ADGRL3: variants seen among roughly 807,000 people sequenced by gnomAD.
ADGRL3 encodes calcium-independent alpha-latrotoxin receptor 3.
ADGRL3 carries 62 observed loss-of-function variants against 153.5 expected under a neutral mutation model. The observed-to-expected ratio is 0.40, with a 90% CI of 0.33 to 0.50. The LOEUF (loss-of-function observed/expected upper bound fraction) is 0.50. Among genes scored for constraint, ADGRL3 ranks in the 20% least tolerant of loss-of-function variants. The probability of loss-of-function intolerance (pLI) is 0.47; values close to 1 mark genes in which losing one functional copy is unlikely to be tolerated. For missense variants in ADGRL3, 1,641 were observed against 1,859.4 expected, an observed-to-expected ratio of 0.88 and a Z score of 2.16; for synonymous variants, 710 against 672.5, an observed-to-expected ratio of 1.06 and a Z score of -0.86.
intron 15 of ADGRL3, among the ~76,000 whole-genome samples, chr4:61,936,260 T>G (rs1221387278): frequency 6.6e-6 from 1 of 152,144 alleles, no homozygotes; most frequent in Non-Finnish European, 1.5e-5. Context: ...ATTTGGAAAT[T>G]GTTCCATTAC....
chr4:61,842,847 C>T (rs754135074), intron 9 of ADGRL3, among the ~76,000 whole-genome samples: 6 of 152,058 alleles, frequency 3.9e-5, no homozygotes, highest in African/African-American at 1.4e-4. Context: ...GACTTCTAGT[C>T]GTGAATGCAT....
chr4:61,201,129 C>G lies in ADGRL3; in HGVS notation c.-876C>G, dbSNP rs1284807421. The G allele has an allele frequency of 2.6e-5, 4 of 152,354 alleles. No individual in the cohort carries two copies. The highest frequency in any genetic ancestry group is 2.1e-4 in the South Asian group (1 of 4,808). 9.4% of individuals were successfully genotyped at this position (152,354 alleles called of 1,614,324 possible). ...CTCCCCCTACCTATTCCATCGCTCC[C>G]GCTCCGAGGCGGAAAGGGGAGGACG... is the stretch of plus-strand genomic sequence containing the variant. On this transcript the variant is annotated 5_prime_UTR_variant, in exon 1 of 27. Transcript: ENST00000683033.
At chr4:61,929,882 C>G (rs139661621) in intron 13 of ADGRL3, among the ~76,000 whole-genome samples, 1 of 152,240 alleles carries the variant, frequency 6.6e-6, no homozygotes, top group African/African-American at 2.4e-5. Flanking sequence ...GACTTAAAAA[C>G]TTGTCTGCAA....
At chr4:61,876,923 AAAAAG>A (rs2098479112) in intron 9 of ADGRL3, among the ~76,000 whole-genome samples, 1 of 151,020 alleles carries the variant, frequency 6.6e-6, no homozygotes, top group Non-Finnish European at 1.5e-5. Context: ...AAAAAAAAAA[AAAAAG>A]AAAGAAATAT....
intron 15 of ADGRL3, among the ~76,000 whole-genome samples, chr4:61,937,757 T>C (rs1197943826): frequency 6.6e-6 from 1 of 152,234 alleles, no homozygotes; most frequent in Non-Finnish European, 1.5e-5. Context: ...CTTCAGTGCC[T>C]GGTCCATCTA....
intron 2 of ADGRL3, among the ~76,000 whole-genome samples, chr4:61,483,999 A>T (rs1178840954): frequency 6.6e-6 from 1 of 151,948 alleles, no homozygotes; most frequent in Admixed American, 6.6e-5. Flanking sequence ...TATTAAATAA[A>T]TTCTGCTCAT....
intron 1 of ADGRL3, among the ~76,000 whole-genome samples, chr4:61,320,141 A>G (rs961262109): frequency 6.6e-6 from 1 of 152,156 alleles, no homozygotes; most frequent in African/African-American, 2.4e-5. Context: ...CTGGAAATGA[A>G]TTGGCTGGCA....
intron 1 of ADGRL3, among the ~76,000 whole-genome samples, chr4:61,297,306 C>T (rs1045742911): frequency 1.3e-5 from 2 of 152,098 alleles, no homozygotes; most frequent in African/African-American, 4.8e-5. Context: ...CTGTGTGTCT[C>T]TTTCATTGCA....
At chr4:62,062,134 C>A (rs1246175440) in intron 25 of ADGRL3, among the ~76,000 whole-genome samples, 2 of 151,884 alleles carry the variant, frequency 1.3e-5, no homozygotes, top group Admixed American at 1.3e-4. Flanking sequence ...ATGTTTTTCA[C>A]CATTTTTATT....
chr4:61,502,601 G>C (rs767532467), intron 3 of ADGRL3, among the ~76,000 whole-genome samples: 15 of 151,366 alleles, frequency 9.9e-5, no homozygotes, highest in Non-Finnish European at 2.1e-4. Flanking sequence ...ATAATAAACA[G>C]TTCTTAGTAG....
chr4:61,459,929 A>T (rs1263573126), intron 2 of ADGRL3, among the ~76,000 whole-genome samples: 1 of 151,808 alleles, frequency 6.6e-6, no homozygotes, highest in Non-Finnish European at 1.5e-5. Flanking sequence ...TTTTAAATGG[A>T]TTATTTGGGT....
chr4:61,931,613 A>G (rs2098817887), intron 13 of ADGRL3, among the ~76,000 whole-genome samples: 1 of 152,156 alleles, frequency 6.6e-6, no homozygotes, highest in African/African-American at 2.4e-5. Context: ...TCCTTGTGTA[A>G]ACATTTCCTT....
chr4:61,417,761 G>T lies in ADGRL3; in HGVS notation c.-174+34572G>T, dbSNP rs534571374. 3.3e-5 allele frequency among the ~76,000 whole-genome samples: 5 copies of T among 151,878 alleles called. No individual in the cohort carries two copies. In the South Asian group the frequency reaches 1.0e-3, roughly 32 times the overall value. ...AGGATCCCATCTTGTGCTTAAGTTGGGTCCACTCCTTGAATGAGACATACA... is the reference window on the plus strand; with the variant it reads ...AGGATCCCATCTTGTGCTTAAGTTGTGTCCACTCCTTGAATGAGACATACA... On this transcript the variant is annotated intron_variant, in intron 2 of 26. Transcript: ENST00000683033.
chr4:61,364,964 C>T (rs911830662), intron 1 of ADGRL3, among the ~76,000 whole-genome samples: 1 of 152,098 alleles, frequency 6.6e-6, no homozygotes, highest in Non-Finnish European at 1.5e-5. Context: ...ACAATTGTGA[C>T]AAACCTTAGC....
At chr4:61,259,494 A>G (rs558173539) in intron 1 of ADGRL3, among the ~76,000 whole-genome samples, 2 of 152,084 alleles carry the variant, frequency 1.3e-5, no homozygotes, top group Non-Finnish European at 2.9e-5. Context: ...ATAGAAGATC[A>G]TTACTGCTCA....
At chr4:62,044,420 G>A in intron 24 of ADGRL3, 33 bp from the exon 25 acceptor site, 2 of 1,377,898 alleles carry the variant, frequency 1.5e-6, no homozygotes, top group South Asian at 1.2e-5. Flanking sequence ...TGCATCATGA[G>A]TTCATTTTCT....
In ADGRL3 at chr4:61,328,069, A is replaced by T. The variant is rs2095499859; in HGVS notation, c.-239-55055A>T. On this transcript the variant is annotated intron_variant, in intron 1 of 26. Coordinates refer to ENST00000683033, the MANE Select transcript of ADGRL3 (RefSeq NM_001387552.1). ...TGACTTGATTGCTTTGGATTGGCAA[A>T]ATTTGCATACATTTAGTAGTAGGAA... 2.0e-5 allele frequency among the ~76,000 whole-genome samples: 3 copies of T among 152,072 alleles called. No individual in the cohort carries two copies. The South Asian group carries it at 6.2e-4, about 31-fold the overall frequency.
intron 9 of ADGRL3, among the ~76,000 whole-genome samples, chr4:61,871,434 G>A (rs1207449237): frequency 2.0e-5 from 3 of 152,092 alleles, no homozygotes; most frequent in Admixed American, 1.3e-4. Context: ...CTCATTGTGC[G>A]ATCAAAAGGA....
chr4:61,887,795 A>C (rs2098548037), intron 9 of ADGRL3, among the ~76,000 whole-genome samples: 1 of 152,204 alleles, frequency 6.6e-6, no homozygotes, highest in Non-Finnish European at 1.5e-5. Flanking sequence ...CAGTGAGCCA[A>C]GATTGCACCA....
Sources: allele counts gnomAD v4.1 joint callset (sites outside exome capture counted in the v4.1 genomes callset), GRCh38; gene constraint gnomAD v4.1.1; transcripts MANE v1.5; gene names NCBI Gene and HGNC (gene_info 2026-07-23, HGNC 2026-07-21).